The following ABLIM3 variants were observed in gnomAD, a reference collection of about 807,000 sequenced individuals.
The protein encoded by ABLIM3 is actin binding LIM protein family member 3.
A neutral mutation model predicts 109.5 loss-of-function variants in ABLIM3; 61 were observed. That is an observed-to-expected ratio of 0.56 (90% confidence interval 0.45 to 0.69). The LOEUF (loss-of-function observed/expected upper bound fraction) is 0.69, where lower values mean the gene tolerates loss of function less well. Ranked by LOEUF, ABLIM3 falls within the 30% of genes least tolerant of loss-of-function variation. The pLI, the probability that ABLIM3 is intolerant of heterozygous loss-of-function variation, is 0.00. For missense variants in ABLIM3, 796 were observed against 889.5 expected, an observed-to-expected ratio of 0.89 and a Z score of 1.34; for synonymous variants, 300 against 324.8, an observed-to-expected ratio of 0.92 and a Z score of 0.82.
chr5:149,194,594 C>T (rs922760106), intron 3 of ABLIM3, among the ~76,000 whole-genome samples: 4 of 152,214 alleles, frequency 2.6e-5, no homozygotes, highest in Admixed American at 2.6e-4. Flanking sequence ...TACAGCACAG[C>T]AGTGAAAATG....
chr5:149,210,860 T>A (rs2918281), intron 7 of ABLIM3, 41 bp downstream of exon 7: 2 of 1,582,256 alleles, frequency 1.3e-6, no homozygotes, highest in Non-Finnish European at 1.7e-6. Flanking sequence ...GGCAGGGTGA[T>A]CTGTGCCTCC....
intron 2 of ABLIM3, among the ~76,000 whole-genome samples, chr5:149,160,728 G>T (rs911982416): frequency 3.3e-5 from 5 of 152,174 alleles, no homozygotes; most frequent in African/African-American, 1.2e-4. Context: ...TGCTTTGGAA[G>T]ACAGAGACAC....
At chr5:149,143,335 C>G (rs911389824) in intron 2 of ABLIM3, among the ~76,000 whole-genome samples, 2 of 151,980 alleles carry the variant, frequency 1.3e-5, no homozygotes, top group African/African-American at 2.4e-5. Flanking sequence ...TGCACTCCAG[C>G]CTGGGCGACA....
chr5:149,249,934 T>C (rs368965243), intron 19 of ABLIM3, 90 bp downstream of exon 19: 3 of 1,476,924 alleles, frequency 2.0e-6, no homozygotes, highest in Non-Finnish European at 2.8e-6. Context: ...CTAATGACCA[T>C]ACAATGTGGA....
At chr5:149,223,789 C>T (rs1012108734) in intron 8 of ABLIM3, among the ~76,000 whole-genome samples, 2 of 152,154 alleles carry the variant, frequency 1.3e-5, no homozygotes, top group Admixed American at 6.5e-5. Context: ...GAGACAGAGA[C>T]GGACAAGCAG....
intron 18 of ABLIM3, 38 bp from the exon 19 acceptor site, chr5:149,249,777 C>T (rs776736177): frequency 6.2e-7 from 1 of 1,613,108 alleles, no homozygotes; most frequent in African/African-American, 1.3e-5. Context: ...GTTTGTCTTT[C>T]CTCATGAGCA....
chr5:149,259,945 C>T lies in ABLIM3; in HGVS notation c.*1541C>T, dbSNP rs978967647. 8 of 241,130 alleles carry T rather than the reference C, an allele frequency of 3.3e-5. No individual in the cohort carries two copies. In the East Asian group the frequency reaches 4.8e-4, roughly 14 times the overall value. The allele number at this position is 241,130 out of a possible 1,614,324, so 14.9% of individuals were successfully genotyped here. On this transcript the variant is annotated 3_prime_UTR_variant, in exon 24 of 24. Coordinates refer to ENST00000309868, the MANE Select transcript of ABLIM3 (RefSeq NM_014945.5). Reference sequence around the variant, plus strand: ...TGAATGGGGGAGGGGGAGGGGAGCACGGGGTGAGTCAACCTGGGACTCGGT... The same window carrying T: ...TGAATGGGGGAGGGGGAGGGGAGCATGGGGTGAGTCAACCTGGGACTCGGT...
At chr5:149,154,176 G>A (rs1393277587) in intron 2 of ABLIM3, among the ~76,000 whole-genome samples, 1 of 152,214 alleles carries the variant, frequency 6.6e-6, no homozygotes, top group Non-Finnish European at 1.5e-5. Context: ...GCTTGCAGCA[G>A]CAGGGGCAGC....
intron 10 of ABLIM3, among the ~76,000 whole-genome samples, chr5:149,233,882 G>C (rs1403465894): frequency 6.6e-6 from 1 of 152,180 alleles, no homozygotes; most frequent in East Asian, 1.9e-4. Flanking sequence ...CAAACACAGA[G>C]AGACTCATCA....
In ABLIM3 at chr5:149,161,333, C is replaced by T. The variant is rs926336849; in HGVS notation, c.13+19225C>T. Among the ~76,000 whole-genome samples, 10 of 152,184 alleles carry T rather than the reference C, an allele frequency of 6.6e-5. 1 individual carries two copies. The highest frequency in any genetic ancestry group is 3.9e-4 in the East Asian group (2 of 5,186). On this transcript the variant is annotated intron_variant, in intron 2 of 23. Coordinates refer to ENST00000309868, the MANE Select transcript of ABLIM3 (RefSeq NM_014945.5). ...TGATCCGGGAAAGACTTAGGGACTCCGAGCTAGGTGAGAAGTCCACCCTTC... is the reference window on the plus strand; with the variant it reads ...TGATCCGGGAAAGACTTAGGGACTCTGAGCTAGGTGAGAAGTCCACCCTTC...
At chr5:149,247,601 G>T (rs1177869120) in intron 17 of ABLIM3, 181 bp from the exon 18 acceptor site, 8 of 853,498 alleles carry the variant, frequency 9.4e-6, no homozygotes, top group Middle Eastern at 2.1e-4. Flanking sequence ...GACAACTTGT[G>T]GAAGACAAGA....
At chr5:149,142,445 T>C (rs545551230) in intron 2 of ABLIM3, among the ~76,000 whole-genome samples, 5 of 152,208 alleles carry the variant, frequency 3.3e-5, no homozygotes, top group African/African-American at 1.2e-4. Flanking sequence ...CCTGCACACA[T>C]CTGGAAAACC....
intron 2 of ABLIM3, among the ~76,000 whole-genome samples, chr5:149,159,219 C>T (rs1754111499): frequency 6.6e-6 from 1 of 152,154 alleles, no homozygotes; most frequent in Admixed American, 6.5e-5. Flanking sequence ...ACTATTGACA[C>T]ATGCCAAAAC....
intron 7 of ABLIM3, 124 bp from the exon 8 acceptor site, chr5:149,216,835 A>G (rs986379422): frequency 1.5e-5 from 13 of 857,590 alleles, no homozygotes; most frequent in African/African-American, 1.0e-4. Flanking sequence ...GGTAGCTCCA[A>G]CCAACTTTAG....
intron 23 of ABLIM3, 34 bp downstream of exon 23, chr5:149,252,871 T>C (rs1207260527): frequency 6.4e-7 from 1 of 1,559,942 alleles, no homozygotes; most frequent in Non-Finnish European, 8.8e-7. Context: ...AGCTCTTGGG[T>C]TGGAAGAAAT....
At position 149,233,253 on chromosome 5, in the gene ABLIM3, A is replaced by G; in HGVS notation, c.841A>G (p.Ile281Val). ...LKHRRTSETS[I>V]SPPGSSIGSP... ...GCATAGACGGACATCTGAAACCTCC[A>G]TCTCACCCCCTGGATCCAGCATTGG... The change falls in exon 10 of 24, where the codon ATC becomes GTC. Residue 281 changes from isoleucine to valine, a missense_variant. By Grantham distance (29) the Ile-to-Val change is conservative (BLOSUM62 3). Coordinates refer to ENST00000309868, the MANE Select transcript of ABLIM3 (RefSeq NM_014945.5). 1 of 1,614,150 alleles carries G rather than the reference A, an allele frequency of 6.2e-7. No individual in the cohort carries two copies. Among genetic ancestry groups the G allele is most frequent in the Non-Finnish European group, 8.5e-7 (1 of 1,180,018 alleles).
chr5:149,214,673 G>A (rs1759879352), intron 7 of ABLIM3, among the ~76,000 whole-genome samples: 1 of 152,190 alleles, frequency 6.6e-6, no homozygotes. Flanking sequence ...CTGGCACACT[G>A]CAGGCATTCA....
intron 2 of ABLIM3, among the ~76,000 whole-genome samples, chr5:149,149,736 G>C (rs1242682590): frequency 2.0e-5 from 3 of 152,230 alleles, no homozygotes; most frequent in Non-Finnish European, 2.9e-5. Flanking sequence ...ATTAGGTAGG[G>C]TCTTGGCAGA....
chr5:149,212,334 G>A (rs1449561368), intron 7 of ABLIM3, among the ~76,000 whole-genome samples: 2 of 152,102 alleles, frequency 1.3e-5, no homozygotes, highest in African/African-American at 4.8e-5. Context: ...TGTTGGGGGT[G>A]GGTTTCTGAG....
Sources: allele counts gnomAD v4.1 joint callset (sites outside exome capture counted in the v4.1 genomes callset), GRCh38; gene constraint gnomAD v4.1.1; transcripts MANE v1.5; gene names NCBI Gene and HGNC (gene_info 2026-07-23, HGNC 2026-07-21).